TOR1B: variants seen among roughly 807,000 people sequenced by gnomAD.
TOR1B encodes torsin family 1 member B.
Under a neutral mutation model 29.2 loss-of-function variants are expected in TOR1B, and 14 were observed. The observed-to-expected ratio is 0.48, with a 90% CI of 0.32 to 0.75. The LOEUF is 0.75. Ranked by LOEUF, TOR1B falls within the 30% of genes least tolerant of loss-of-function variation. The pLI is 0.04. For missense variants in TOR1B, 400 were observed against 433.9 expected, an observed-to-expected ratio of 0.92 and a Z score of 0.69; for synonymous variants, 166 against 179.8, an observed-to-expected ratio of 0.92 and a Z score of 0.62.
At position 129,810,007 on chromosome 9, in the gene TOR1B, T is replaced by G. The variant is rs2030751814; in HGVS notation, c.*424T>G. 1 of 1,193,524 alleles carries G rather than the reference T, an allele frequency of 8.4e-7. No individual in the cohort carries two copies. Among genetic ancestry groups the G allele is most frequent in the African/African-American group, 1.6e-5 (1 of 62,740 alleles). 73.9% of individuals were successfully genotyped at this position (1,193,524 alleles called of 1,614,324 possible). A position where few individuals can be genotyped will look rare whatever the true frequency, so the allele number is the denominator to read the frequency against. ...AAAATCCCCTTCACACTTAATGTAC[T>G]GACCGAGACAGAAGTACCTGAAAAC... On this transcript the variant is annotated 3_prime_UTR_variant, in exon 5 of 5. Coordinates refer to ENST00000259339, the MANE Select transcript of TOR1B (RefSeq NM_014506.3).
At chr9:129,804,636 G>A (rs1449090914) in intron 2 of TOR1B, among the ~76,000 whole-genome samples, 1 of 151,948 alleles carries the variant, frequency 6.6e-6, no homozygotes, top group Non-Finnish European at 1.5e-5. Flanking sequence ...CGAGGCGGGC[G>A]GATCATTTGA....
In TOR1B at chr9:129,809,345, G is replaced by T; in HGVS notation, c.773G>T (p.Gly258Val). 1.2e-6 allele frequency: 2 copies of T among 1,614,094 alleles called. No individual in the cohort carries two copies. Among genetic ancestry groups the T allele is most frequent in the Non-Finnish European group, 1.7e-6 (2 of 1,179,962 alleles). Residue 258 changes from glycine (G) to valine (V), a missense_variant, in exon 5 of 5, where the codon GGC becomes GTC. Physicochemically the swap from Gly to Val is moderately radical, Grantham distance 109. Coordinates refer to ENST00000259339, the MANE Select transcript of TOR1B (RefSeq NM_014506.3). ...CCAGCTGTGTCTTGTTCTGCAGGTG[G>T]CCTGTGGCACAGTGGACTGATCGAC... ...SVGVFNNKHS[G>V]LWHSGLIDKN... is the part of the protein sequence containing the mutation.
intron 2 of TOR1B, 142 bp from the exon 3 acceptor site, chr9:129,807,046 C>A (rs1337320778): frequency 1.4e-6 from 1 of 693,140 alleles, no homozygotes; most frequent in Non-Finnish European, 2.4e-6. Context: ...AGAAAAGCTG[C>A]TACCTAGCGA....
chr9:129,803,371 C>T lies in TOR1B; in HGVS notation c.159C>T (p.Phe53=). 1 of 1,569,330 alleles carries T rather than the reference C, an allele frequency of 6.4e-7. No homozygotes were observed. The highest frequency in any genetic ancestry group is 8.6e-7 in the Non-Finnish European group (1 of 1,161,490). The part of the protein sequence containing the change: ...YLSYNDIYCR[F]AECCREERPL... ...CCTACAATGACATCTACTGCCGCTT[C>T]GCCGAGTGCTGCCGCGAGGAGCGGC... is the stretch of plus-strand genomic sequence containing the variant. The change falls in exon 1 of 5, where the codon TTC becomes TTT. Residue 53 remains phenylalanine (F), a synonymous_variant. Coordinates refer to ENST00000259339, the MANE Select transcript of TOR1B (RefSeq NM_014506.3).
At chr9:129,808,750 C>CT (rs1238647780) in intron 3 of TOR1B, among the ~76,000 whole-genome samples, 155 bp from the exon 4 acceptor site, 1 of 151,784 alleles carries the variant, frequency 6.6e-6, no homozygotes, top group Non-Finnish European at 1.5e-5. Flanking sequence ...TGGGGTTACT[C>CT]TATGTTGGTC....
intron 3 of TOR1B, among the ~76,000 whole-genome samples, chr9:129,808,389 C>T (rs1222422404): frequency 2.6e-5 from 4 of 151,632 alleles, no homozygotes; most frequent in Non-Finnish European, 5.9e-5. Flanking sequence ...ATCCCAGCTA[C>T]TCAGGAGGTT....
Position 129,803,377 on chromosome 9 carries a change from G to T in TOR1B, c.165G>T (p.Glu55Asp). The T allele has an allele frequency of 6.4e-7, 1 of 1,560,022 alleles. No homozygotes were observed. Among genetic ancestry groups the T allele is most frequent in the East Asian group, 2.6e-5 (1 of 39,066 alleles). Residue 55 changes from glutamate to aspartate, a missense_variant, in exon 1 of 5, where the codon GAG (glutamate) becomes GAT (aspartate). Physicochemically the swap from Glu to Asp is conservative, Grantham distance 45. Transcript: ENST00000259339. ...SYNDIYCRFA[E>D]CCREERPLNA... The stretch of plus-strand genomic sequence containing the variant: ...ATGACATCTACTGCCGCTTCGCCGA[G>T]TGCTGCCGCGAGGAGCGGCCGCTCA...
rs1362896486 is a variant in TOR1B at position 129,809,846 on chromosome 9, CAT to C, written c.*264_*265del. On this transcript the variant is annotated 3_prime_UTR_variant, in exon 5 of 5. Transcript: ENST00000259339. ...CCTCCCGAGTAGCTGGGATTACAGG[CAT>C]GAGCCACTGTGCCCAGCTGGGATAT... The C allele has an allele frequency of 6.7e-6, 9 of 1,342,510 alleles. No homozygotes were observed. In the East Asian group the frequency reaches 2.9e-4, roughly 43 times the overall value. 83.2% of individuals were successfully genotyped at this position (1,342,510 alleles called of 1,614,324 possible). A position where few individuals can be genotyped will look rare whatever the true frequency, so the allele number is the denominator to read the frequency against.
rs2030334810 is a variant in TOR1B, at chr9:129,804,191, C to T, written c.318C>T (p.Ser106=). Residue 106 remains serine, a synonymous_variant, in exon 2 of 5, where the codon TCC becomes TCT. Coordinates refer to ENST00000259339, the MANE Select transcript of TOR1B (RefSeq NM_014506.3). ...ATCCCAAGAAACCACTGACCCTTTC[C>T]TTACACGGCTGGGCTGGCACAGGCA... ...NKNPKKPLTL[S]LHGWAGTGKN... The T allele has an allele frequency of 1.2e-6, 2 of 1,614,214 alleles. No individual in the cohort carries two copies. The highest frequency in any genetic ancestry group is 2.2e-5 in the East Asian group (1 of 44,888).
chr9:129,804,092 G>A lies in TOR1B; in HGVS notation c.219G>A (p.Glu73=). ...LNASALKLDL[E]EKLFGQHLAT... ...TTGCAGCTCTCAAGCTGGATTTGGAGGAGAAGCTGTTTGGACAGCATCTAG... is the reference window on the plus strand; with the variant it reads ...TTGCAGCTCTCAAGCTGGATTTGGAAGAGAAGCTGTTTGGACAGCATCTAG... Residue 73 remains glutamate (E), a synonymous_variant, in exon 2 of 5, where the codon GAG becomes GAA. Coordinates refer to ENST00000259339, the MANE Select transcript of TOR1B (RefSeq NM_014506.3). 3 of 1,614,202 alleles carry A rather than the reference G, an allele frequency of 1.9e-6. No individual in the cohort carries two copies. Among genetic ancestry groups the A allele is most frequent in the Admixed American group, 1.7e-5 (1 of 60,022 alleles).
intron 2 of TOR1B, among the ~76,000 whole-genome samples, chr9:129,805,582 A>C (rs994248974): frequency 6.6e-6 from 1 of 152,194 alleles, no homozygotes; most frequent in Non-Finnish European, 1.5e-5. Context: ...AAGGGATTCC[A>C]CATCCCCAGC....
Position 129,808,968 on chromosome 9 carries a change from GGA to G in TOR1B, c.706_707del (p.Glu236ArgfsTer18). The G allele has an allele frequency of 6.2e-7, 1 of 1,614,096 alleles. No individual in the cohort carries two copies. Among genetic ancestry groups the G allele is most frequent in the Non-Finnish European group, 8.5e-7 (1 of 1,180,014 alleles). ...ACTTTTGGCGGGCCGGAAGAAAGAG[GGA>G]AGACATTCAGCTGAAGGACCTGGAA... ...LDFWRAGRKR[E>X]DIQLKDLEPV... On this transcript the variant is annotated frameshift_variant, in exon 4 of 5. Coordinates refer to ENST00000259339, the MANE Select transcript of TOR1B (RefSeq NM_014506.3). LOFTEE classifies it high-confidence loss of function.
intron 1 of TOR1B, 46 bp downstream of exon 1, chr9:129,803,457 G>A (rs867971690): frequency 7.7e-7 from 1 of 1,290,814 alleles, no homozygotes; most frequent in Middle Eastern, 2.3e-4. Flanking sequence ...GGGGGGCGCG[G>A]GGGCGCGGGG....
chr9:129,810,438 C>G lies in TOR1B; in HGVS notation c.*855C>G. Reference sequence around the variant, plus strand: ...CTGTCCATCGCTCTAGCTGCTAATACAGCCCTGGCTGTGGAATCCTTCACC... The same window carrying G: ...CTGTCCATCGCTCTAGCTGCTAATAGAGCCCTGGCTGTGGAATCCTTCACC... On this transcript the variant is annotated 3_prime_UTR_variant, in exon 5 of 5. Coordinates refer to ENST00000259339, the MANE Select transcript of TOR1B (RefSeq NM_014506.3). 1 of 1,182,456 alleles carries G rather than the reference C, an allele frequency of 8.5e-7. No homozygotes were observed. Among genetic ancestry groups the G allele is most frequent in the Non-Finnish European group, 1.1e-6 (1 of 930,442 alleles). The allele number at this position is 1,182,456 out of a possible 1,614,324, so 73.2% of individuals were successfully genotyped here.
At chr9:129,807,151 G>A in intron 2 of TOR1B, 37 bp from the exon 3 acceptor site, 1 of 1,606,198 alleles carries the variant, frequency 6.2e-7, no homozygotes, top group Non-Finnish European at 8.5e-7. Context: ...CACCCTTTGA[G>A]CTTCGCATCC....
chr9:129,809,473 G>A lies in TOR1B; in HGVS notation c.901G>A (p.Glu301Lys). 1 of 1,614,210 alleles carries A rather than the reference G, an allele frequency of 6.2e-7. No homozygotes were observed. The highest frequency in any genetic ancestry group is 8.5e-7 in the Non-Finnish European group (1 of 1,180,036). ...EMRARGSAIDEDIVTRVAEEM... is the reference protein window; with the variant it reads ...EMRARGSAIDKDIVTRVAEEM... ...GAGGGCCCGTGGTTCTGCCATAGAT[G>A]AAGACATTGTCACAAGAGTGGCAGA... Residue 301 changes from glutamate (E) to lysine (K), a missense_variant, in exon 5 of 5, where the codon GAA (glutamate) becomes AAA (lysine). Coordinates refer to ENST00000259339, the MANE Select transcript of TOR1B (RefSeq NM_014506.3).
At position 129,809,706 on chromosome 9, in the gene TOR1B, T is replaced by A. The variant is rs2030732562; in HGVS notation, c.*123T>A. 1 of 1,490,138 alleles carries A rather than the reference T, an allele frequency of 6.7e-7. No homozygotes were observed. Among genetic ancestry groups the A allele is most frequent in the Admixed American group, 2.5e-5 (1 of 40,384 alleles). 92.3% of individuals were successfully genotyped at this position (1,490,138 alleles called of 1,614,324 possible). ...TGTTTGCACCTTAGACTTTTGGGTATAGAATCTTTTTTTTGAGAAGAGGTC... is the reference window on the plus strand; with the variant it reads ...TGTTTGCACCTTAGACTTTTGGGTAAAGAATCTTTTTTTTGAGAAGAGGTC... On this transcript the variant is annotated 3_prime_UTR_variant, in exon 5 of 5. Transcript: ENST00000259339.
chr9:129,806,103 A>G (rs2030463850), intron 2 of TOR1B, among the ~76,000 whole-genome samples: 1 of 149,194 alleles, frequency 6.7e-6, no homozygotes, highest in African/African-American at 2.5e-5. Flanking sequence ...TCTGGGCGAC[A>G]GAGTAAGACT....
chr9:129,808,804 G>C, intron 3 of TOR1B, 101 bp from the exon 4 acceptor site: 1 of 1,458,954 alleles, frequency 6.9e-7, no homozygotes. Context: ...TACCTGCCTC[G>C]GCCTCCCAAA....
Sources: allele counts gnomAD v4.1 joint callset (sites outside exome capture counted in the v4.1 genomes callset), GRCh38; gene constraint gnomAD v4.1.1; transcripts MANE v1.5; gene names NCBI Gene and HGNC (gene_info 2026-07-23, HGNC 2026-07-21).